GFPT2: variants seen among roughly 807,000 people sequenced by gnomAD.
The protein encoded by GFPT2 is glutamine--fructose-6-phosphate transaminase 2, also known as glutamine--fructose-6-phosphate aminotransferase [isomerizing] 2.
GFPT2 carries 62 observed loss-of-function variants against 85.6 expected under a neutral mutation model. That is an observed-to-expected ratio of 0.72 (90% CI 0.59 to 0.90). GFPT2 has a LOEUF of 0.90. Among genes scored for constraint, GFPT2 ranks in the 40% least tolerant of loss-of-function variants. The pLI, the probability that GFPT2 is intolerant of heterozygous loss-of-function variation, is 0.00. For missense variants in GFPT2, 788 were observed against 893.4 expected, an observed-to-expected ratio of 0.88 and a Z score of 1.50; for synonymous variants, 368 against 344.5, an observed-to-expected ratio of 1.07 and a Z score of -0.75.
Position 180,302,499 on chromosome 5 carries a change from T to C in GFPT2, c.1928A>G (p.Asp643Gly), listed in dbSNP as rs907046456. 6.2e-7 allele frequency: 1 copy of C among 1,613,900 alleles called. No homozygotes were observed. Among genetic ancestry groups the C allele is most frequent in the African/African-American group, 1.3e-5 (1 of 74,920 alleles). The change falls in exon 18 of 19, where the codon GAC (aspartate) becomes GGC (glycine). Residue 643 changes from aspartate (D) to glycine (G), a missense_variant. By Grantham distance (94) the Asp-to-Gly change is moderately conservative. Transcript: ENST00000253778. ...CACGCTCAGGATGCCCTGGAGGCAG[T>C]CCACAGTGTGGGGCAGCTCAATTGT... ...YKTIELPHTV[D>G]CLQGILSVIP...
intron 15 of GFPT2, among the ~76,000 whole-genome samples, chr5:180,308,124 C>A (rs11249696): frequency 1.3e-5 from 2 of 151,888 alleles, no homozygotes; most frequent in Admixed American, 6.6e-5. Context: ...GGCATGGTGG[C>A]GGGCGCCTGT....
chr5:180,340,329 C>G (rs1764489382), intron 1 of GFPT2, among the ~76,000 whole-genome samples: 1 of 152,002 alleles, frequency 6.6e-6, no homozygotes, highest in African/African-American at 2.4e-5. Context: ...GCCTCAGCCT[C>G]CCGAGTAGCT....
chr5:180,316,272 T>A lies in GFPT2; in HGVS notation c.1273+69A>T, dbSNP rs60396605. The A allele has an allele frequency of 8.9e-3, 13,638 of 1,539,820 alleles. 407 individuals are homozygous for A. Among genetic ancestry groups the A allele is most frequent in the East Asian group, 0.083 (3,673 of 44,344 alleles). ...TAGCCATGCAGAGGACTTAACTGAA[T>A]GAAGGAGAAGAGGAGAGAGCCCAGA... On this transcript the variant is annotated intron_variant, in intron 13 of 18. Coordinates refer to ENST00000253778, the MANE Select transcript of GFPT2 (RefSeq NM_005110.4).
intron 9 of GFPT2, among the ~76,000 whole-genome samples, chr5:180,319,981 G>A (rs1283401153): frequency 1.3e-5 from 2 of 151,944 alleles, no homozygotes; most frequent in Non-Finnish European, 2.9e-5. Context: ...AGAAACATAG[G>A]GTCATTGTGT....
chr5:180,310,125 G>A (rs540690263), intron 15 of GFPT2, among the ~76,000 whole-genome samples: 4 of 149,646 alleles, frequency 2.7e-5, no homozygotes, highest in South Asian at 4.2e-4. Context: ...TTTTTGAGAT[G>A]AAGTCTCGCT....
intron 5 of GFPT2, 166 bp downstream of exon 5, chr5:180,331,329 G>T: frequency 1.6e-6 from 1 of 610,032 alleles, no homozygotes. Flanking sequence ...GATCTGCAGG[G>T]CCTGGCTCAG....
At chr5:180,315,515 C>A (rs1763990471) in intron 13 of GFPT2, among the ~76,000 whole-genome samples, 1 of 152,026 alleles carries the variant, frequency 6.6e-6, no homozygotes, top group African/African-American at 2.4e-5. Flanking sequence ...AATCATGCAG[C>A]CTGAAGTATT....
chr5:180,324,710 A>G, intron 8 of GFPT2, 106 bp downstream of exon 8: 1 of 786,066 alleles, frequency 1.3e-6, no homozygotes, highest in East Asian at 2.4e-5. Flanking sequence ...GGTCTGGCTC[A>G]GAGTGGGGTT....
rs935016933 is a variant in GFPT2 at position 180,328,447 on chromosome 5, G to A, written c.535-109C>T. The A allele has an allele frequency of 1.2e-6, 1 of 804,564 alleles. No individual in the cohort carries two copies. The highest frequency in any genetic ancestry group is 1.7e-5 in the African/African-American group (1 of 59,034). The allele number at this position is 804,564 out of a possible 1,614,324, so 49.8% of individuals were successfully genotyped here. ...GCCCCTCCTGATGGCGGGAGGTCCT[G>A]GGGTCCCTCGGGGAGCTGAGTGCAG... On this transcript the variant is annotated intron_variant, in intron 6 of 18. Transcript: ENST00000253778. The surrounding 1 kb of genome is among the most constrained non-coding windows in gnomAD (Gnocchi z 5.4).
Position 180,302,619 on chromosome 5 carries a change from T to C in GFPT2, c.1843-35A>G, listed in dbSNP as rs760028164. 27 of 1,563,982 alleles carry C rather than the reference T, an allele frequency of 1.7e-5. No homozygotes were observed. In the Admixed American group the frequency reaches 3.1e-4, roughly 18 times the overall value. ...AGAAATAGCATCATAAAATAGACCCTCTCTGAAAGAAGCTATCCCTGATGC... is the reference window on the plus strand; with the variant it reads ...AGAAATAGCATCATAAAATAGACCCCCTCTGAAAGAAGCTATCCCTGATGC... On this transcript the variant is annotated intron_variant, in intron 17 of 18. Coordinates refer to ENST00000253778, the MANE Select transcript of GFPT2 (RefSeq NM_005110.4).
intron 9 of GFPT2, among the ~76,000 whole-genome samples, chr5:180,319,803 C>G (rs897392252): frequency 6.6e-6 from 1 of 152,042 alleles, no homozygotes; most frequent in Non-Finnish European, 1.5e-5. Flanking sequence ...TAAACTCCAG[C>G]GTACAGGAAA....
chr5:180,353,121 G>C, intron 1 of GFPT2, 90 bp downstream of exon 1: 1 of 1,104,202 alleles, frequency 9.1e-7, no homozygotes, highest in Non-Finnish European at 1.1e-6. Context: ...GGTCCTCGGC[G>C]CCTGCTTGCG....
chr5:180,339,605 G>A (rs1764471247), intron 1 of GFPT2, among the ~76,000 whole-genome samples: 1 of 152,148 alleles, frequency 6.6e-6, no homozygotes, highest in Non-Finnish European at 1.5e-5. Flanking sequence ...TGTTTGTGAT[G>A]ACAGATCCTT....
intron 14 of GFPT2, 55 bp downstream of exon 14, chr5:180,313,752 G>A: frequency 2.0e-6 from 3 of 1,488,470 alleles, no homozygotes; most frequent in Non-Finnish European, 2.7e-6. Context: ...GCGGCCTCTG[G>A]TGCACCTGCC....
chr5:180,321,480 C>A (rs1370350568), intron 9 of GFPT2, among the ~76,000 whole-genome samples: 1 of 152,242 alleles, frequency 6.6e-6, no homozygotes, highest in African/African-American at 2.4e-5. Flanking sequence ...ATACATAACC[C>A]CCTGGAGTTC....
At position 180,318,786 on chromosome 5, in the gene GFPT2, CACCTG is replaced by C. The variant is rs747907634; in HGVS notation, c.958+2_958+6del. ...GCTGCCGCACGTGGACTCTGGAGGA[CACCTG>C]CCTTTCATGATTTGCTGCAGTTCCA... On this transcript the variant is annotated splice_donor_variant and splice_donor_5th_base_variant and intron_variant, in intron 10 of 18. Coordinates refer to ENST00000253778, the MANE Select transcript of GFPT2 (RefSeq NM_005110.4). LOFTEE classifies it high-confidence loss of function. The surrounding 1 kb of genome is among the most constrained non-coding windows in gnomAD (Gnocchi z 4.2). The C allele has an allele frequency of 6.2e-7, 1 of 1,613,072 alleles. No homozygotes were observed. Among genetic ancestry groups the C allele is most frequent in the Non-Finnish European group, 8.5e-7 (1 of 1,179,364 alleles).
chr5:180,305,478 C>T (rs1275092412), intron 16 of GFPT2, among the ~76,000 whole-genome samples: 4 of 152,182 alleles, frequency 2.6e-5, no homozygotes, highest in South Asian at 4.1e-4. Flanking sequence ...CACAAATCCA[C>T]GTCATTGAAA....
intron 2 of GFPT2, among the ~76,000 whole-genome samples, chr5:180,337,240 G>A (rs1581386575): frequency 6.6e-6 from 1 of 152,254 alleles, no homozygotes; most frequent in African/African-American, 2.4e-5. Context: ...GGATCACAAG[G>A]TCAAGAGATT....
chr5:180,331,450 A>G (rs1450182474), intron 5 of GFPT2, 45 bp downstream of exon 5: 1 of 1,151,332 alleles, frequency 8.7e-7, no homozygotes, highest in Non-Finnish European at 1.3e-6. Flanking sequence ...TTCTGGGGAG[A>G]CCAATCCCAC....
Sources: gnomAD v4.1 joint callset for allele counts (sites outside exome capture counted in the v4.1 genomes callset) on GRCh38, gnomAD v4.1.1 for gene constraint, Gnocchi (gnomAD v3.1) non-coding constraint, MANE v1.5 for transcripts, NCBI Gene and HGNC (gene_info 2026-07-23, HGNC 2026-07-21) for gene names.